Variants in CSHL1 observed in about 807,000 individuals in gnomAD.
CSHL1 encodes chorionic somatomammotropin hormone-like 1.
In CSHL1, 25 loss-of-function variants were observed where a neutral mutation model predicts 24.3. The observed-to-expected ratio is 1.03, with a 90% CI of 0.75 to 1.44. The LOEUF is 1.44. Among genes scored for constraint, CSHL1 ranks in the 40% most tolerant of loss-of-function variants. CSHL1 has a pLI of 0.00. For missense variants in CSHL1, 342 were observed against 279.3 expected (o/e 1.22, Z -1.60); for synonymous variants, 157 against 115.6 (o/e 1.36, Z -2.30).
rs370962985 is a variant in CSHL1 at position 63,910,763 on chromosome 17, T to C, written c.172A>G (p.Ile58Val). ...QLAIDTYQEFISSWGMEAYIT... is the reference protein window; with the variant it reads ...QLAIDTYQEFVSSWGMEAYIT... Reference sequence around the variant, plus strand: ...CCCGCACCCATTCCCCAAGAGCTTATAAACTCCTGGTAGGTGTCAATGGCC... The same window carrying C: ...CCCGCACCCATTCCCCAAGAGCTTACAAACTCCTGGTAGGTGTCAATGGCC... Residue 58 changes from isoleucine (I) to valine (V), a missense_variant, in exon 2 of 5, where the codon ATA (isoleucine) becomes GTA (valine). By Grantham distance (29) the Ile-to-Val change is conservative. Transcript: ENST00000309894. 39 of 1,614,084 alleles carry C rather than the reference T, an allele frequency of 2.4e-5. No homozygotes were observed. Among genetic ancestry groups the C allele is most frequent in the East Asian group, 4.5e-5 (2 of 44,886 alleles).
chr17:63,911,158 G>A (rs749445377), intron 1 of CSHL1, 29 bp downstream of exon 1: 32 of 1,613,338 alleles, frequency 2.0e-5, no homozygotes, highest in Non-Finnish European at 2.5e-5. Flanking sequence ...AGGACACGTT[G>A]TGCCCAAAGG....
At position 63,910,452 on chromosome 17, in the gene CSHL1, A is replaced by C; in HGVS notation, c.274T>G (p.Ser92Ala). The C allele has an allele frequency of 6.2e-7, 1 of 1,614,060 alleles. No homozygotes were observed. Among genetic ancestry groups the C allele is most frequent in the Non-Finnish European group, 8.5e-7 (1 of 1,179,992 alleles). The change falls in exon 3 of 5, where the codon TCC becomes GCC. Residue 92 changes from serine (S) to alanine (A), a missense_variant. Coordinates refer to ENST00000309894, the MANE Select transcript of CSHL1 (RefSeq NM_022579.3). Reference protein sequence around the residue: ...SFCFSDSIPTSSNMEETQQKS... With the variant: ...SFCFSDSIPTASNMEETQQKS... ...TGCTGCGTTTCCTCCATGTTGGAGG[A>C]TGTCGGAATAGAGTCTGAGAAGCAG...
rs1282088671 is a variant in CSHL1 at position 63,910,529 on chromosome 17, T to C, written c.197A>G (p.Tyr66Cys). ...EFISSWGMEA[Y>C]ITKEQKYSFL... ...TGAATACTTCTGTTCCTTTGTGATA[T>C]AGGCTTCTTCCTAGGGGAAGGACCC... The change falls in exon 3 of 5, where the codon TAT becomes TGT. Residue 66 changes from tyrosine to cysteine, a missense_variant. Coordinates refer to ENST00000309894, the MANE Select transcript of CSHL1 (RefSeq NM_022579.3). The C allele has an allele frequency of 2.5e-6, 4 of 1,614,080 alleles. No homozygotes were observed. The highest frequency in any genetic ancestry group is 1.1e-5 in the South Asian group (1 of 91,080).
rs765218894 is a variant in CSHL1, at chr17:63,910,409, C to A, written c.306+11G>T. 6.8e-6 allele frequency: 11 copies of A among 1,614,110 alleles called. No individual in the cohort carries two copies. The South Asian group carries it at 7.7e-5, about 11-fold the overall frequency. The stretch of plus-strand genomic sequence containing the variant: ...CCCCATCCCCGCCTAGGGGAGACAG[C>A]ATCCACTCACGGATTTCTGCTGCGT... On this transcript the variant is annotated intron_variant, in intron 3 of 4. Transcript: ENST00000309894.
In CSHL1 at chr17:63,909,665, G is replaced by A. The variant is rs568345250; in HGVS notation, c.*46C>T. 28 of 1,613,848 alleles carry A rather than the reference G, an allele frequency of 1.7e-5. No individual in the cohort carries two copies. In the African/African-American group the frequency reaches 3.5e-4, roughly 20 times the overall value. ...TGGGCACTGGAGTGGCACCTTCAGGGCCAGGAGAGGCACTGGGGAGGGGTC... is the reference window on the plus strand; with the variant it reads ...TGGGCACTGGAGTGGCACCTTCAGGACCAGGAGAGGCACTGGGGAGGGGTC... On this transcript the variant is annotated 3_prime_UTR_variant, in exon 5 of 5. Transcript: ENST00000309894.
Position 63,909,712 on chromosome 17 carries a change from T to G in CSHL1, c.668A>C (p.Ter223SerextTer17). 6.2e-7 allele frequency: 1 copy of G among 1,614,104 alleles called. No homozygotes were observed. The highest frequency in any genetic ancestry group is 8.5e-7 in the Non-Finnish European group (1 of 1,180,030). Residue 223 changes from the stop codon to serine, a stop_lost, in exon 5 of 5, where the codon TAG (stop) becomes TCG (serine). Coordinates refer to ENST00000309894, the MANE Select transcript of CSHL1 (RefSeq NM_022579.3). Reference sequence around the variant, plus strand: ...GGTCACAGGATGCCACGCGGGCCCCTAGAAGCCACAGCTGCCCTCCACAGA... The same window carrying G: ...GGTCACAGGATGCCACGCGGGCCCCGAGAAGCCACAGCTGCCCTCCACAGA... ...CRSVEGSCGF[*>S] is the part of the protein sequence containing the mutation.
chr17:63,910,535 T>A lies in CSHL1; in HGVS notation c.191A>T (p.Glu64Val), dbSNP rs201548416. The A allele has an allele frequency of 1.5e-5, 25 of 1,614,064 alleles. No homozygotes were observed. Among genetic ancestry groups the A allele is most frequent in the African/African-American group, 2.7e-5 (2 of 74,924 alleles). ...YQEFISSWGM[E>V]AYITKEQKYS... The stretch of plus-strand genomic sequence containing the variant: ...CTTCTGTTCCTTTGTGATATAGGCT[T>A]CTTCCTAGGGGAAGGACCCCCCACC... The change falls in exon 3 of 5, where the codon GAA becomes GTA. Residue 64 changes from glutamate (E) to valine (V), a missense_variant and splice_region_variant. Glu to Val is a moderately radical substitution (Grantham distance 121). Transcript: ENST00000309894.
In CSHL1 at chr17:63,910,794, G is replaced by C. The variant is rs767599882; in HGVS notation, c.141C>G (p.His47Gln). 2 of 1,614,242 alleles carry C rather than the reference G, an allele frequency of 1.2e-6. No individual in the cohort carries two copies. The highest frequency in any genetic ancestry group is 8.5e-7 in the Non-Finnish European group (1 of 1,180,052). ...CCTGGTAGGTGTCAATGGCCAGCTG[G>C]TGTGCGCGATGGGCTTGGAGCATAG... ...KEAMLQAHRA[H>Q]QLAIDTYQEF... is the part of the protein sequence containing the mutation. The change falls in exon 2 of 5, where the codon CAC becomes CAG. Residue 47 changes from histidine (H) to glutamine (Q), a missense_variant. Transcript: ENST00000309894.
Position 63,911,178 on chromosome 17 carries a change from G to C in CSHL1, c.10+9C>G. 6.2e-7 allele frequency: 1 copy of C among 1,613,718 alleles called. No individual in the cohort carries two copies. Among genetic ancestry groups the C allele is most frequent in the South Asian group, 1.1e-5 (1 of 91,056 alleles). ...ACGTTGTGCCCAAAGGGATTTTAGG[G>C]GCGCTTACCTGCAGCCATTGCCGCT... On this transcript the variant is annotated intron_variant, in intron 1 of 4. Transcript: ENST00000309894.
At chr17:63,910,000 G>A (rs541608810) in intron 4 of CSHL1, 92 bp from the exon 5 acceptor site, 1 of 1,613,974 alleles carries the variant, frequency 6.2e-7, no homozygotes, top group Non-Finnish European at 8.5e-7. Flanking sequence ...CCCCTTCAGG[G>A]TGTAGAGAAA....
chr17:63,909,647 T>C lies in CSHL1; in HGVS notation c.*64A>G. ...TTATTAAGACAAGGCTGGTGGGCACTGGAGTGGCACCTTCAGGGCCAGGAG... is the reference window on the plus strand; with the variant it reads ...TTATTAAGACAAGGCTGGTGGGCACCGGAGTGGCACCTTCAGGGCCAGGAG... On this transcript the variant is annotated 3_prime_UTR_variant, in exon 5 of 5. Transcript: ENST00000309894. 1 of 1,612,676 alleles carries C rather than the reference T, an allele frequency of 6.2e-7. No homozygotes were observed. Among genetic ancestry groups the C allele is most frequent in the Non-Finnish European group, 8.5e-7 (1 of 1,178,868 alleles).
Position 63,909,882 on chromosome 17 carries a change from AGTCAGGTGGCTGCC to A in CSHL1, c.484_497del (p.Gly162TrpfsTer12), listed in dbSNP as rs772512560. ...TGTAGGTCTGCTTGAGGGTCTGCCC[AGTCAGGTGGCTGCC>A]GTCTTCCAGCCTCTGCAAAGTGAAG... On this transcript the variant is annotated frameshift_variant, in exon 5 of 5. Coordinates refer to ENST00000309894, the MANE Select transcript of CSHL1 (RefSeq NM_022579.3). LOFTEE classifies it high-confidence loss of function. 1.5e-4 allele frequency: 245 copies of A among 1,613,886 alleles called. No homozygotes were observed. Among genetic ancestry groups the A allele is most frequent in the Non-Finnish European group, 2.0e-4 (240 of 1,179,878 alleles).
chr17:63,909,709 C>A lies in CSHL1; in HGVS notation c.*2G>T, dbSNP rs61762521. 1.9e-3 allele frequency: 3,120 copies of A among 1,613,160 alleles called. 67 individuals carry two copies. The African/African-American group carries it at 0.034, about 17-fold the overall frequency. ...AGGGGTCACAGGATGCCACGCGGGCCCCTAGAAGCCACAGCTGCCCTCCAC... is the reference window on the plus strand; with the variant it reads ...AGGGGTCACAGGATGCCACGCGGGCACCTAGAAGCCACAGCTGCCCTCCAC... On this transcript the variant is annotated 3_prime_UTR_variant, in exon 5 of 5. Coordinates refer to ENST00000309894, the MANE Select transcript of CSHL1 (RefSeq NM_022579.3).
In CSHL1 at chr17:63,911,167, G is replaced by C. The variant is rs775454685; in HGVS notation, c.10+20C>G. On this transcript the variant is annotated intron_variant, in intron 1 of 4. Coordinates refer to ENST00000309894, the MANE Select transcript of CSHL1 (RefSeq NM_022579.3). ...CCCCTCAGGACACGTTGTGCCCAAA[G>C]GGATTTTAGGGGCGCTTACCTGCAG... 1.4e-5 allele frequency: 22 copies of C among 1,613,646 alleles called. No individual in the cohort carries two copies. The Admixed American group carries it at 3.5e-4, about 26-fold the overall frequency.
At position 63,910,240 on chromosome 17, in the gene CSHL1, G is replaced by A; in HGVS notation, c.393C>T (p.Asn131=). ...CGCTGTCCGAGGTGTCATACACCAG[G>A]TTGTTGGTGAAGGTACTCCTGAGGA... ...VRFLRSTFTN[N]LVYDTSDSDD... Residue 131 remains asparagine (N), a synonymous_variant, in exon 4 of 5, where the codon AAC becomes AAT. Transcript: ENST00000309894. The A allele has an allele frequency of 6.2e-7, 1 of 1,614,142 alleles. No individual in the cohort carries two copies. The highest frequency in any genetic ancestry group is 1.1e-5 in the South Asian group (1 of 91,080).
Position 63,909,643 on chromosome 17 carries a change from G to T in CSHL1, c.*68C>A, listed in dbSNP as rs1906670377. ...AATTTTATTAAGACAAGGCTGGTGG[G>T]CACTGGAGTGGCACCTTCAGGGCCA... is the stretch of plus-strand genomic sequence containing the variant. On this transcript the variant is annotated 3_prime_UTR_variant, in exon 5 of 5. Transcript: ENST00000309894. 3 of 1,611,274 alleles carry T rather than the reference G, an allele frequency of 1.9e-6. No individual in the cohort carries two copies. Among genetic ancestry groups the T allele is most frequent in the Non-Finnish European group, 8.5e-7 (1 of 1,177,784 alleles).
rs565262071 is a variant in CSHL1 at position 63,909,778 on chromosome 17, A to G, written c.602T>C (p.Met201Thr). The G allele has an allele frequency of 1.1e-5, 17 of 1,613,940 alleles. No homozygotes were observed. Among genetic ancestry groups the G allele is most frequent in the Admixed American group, 1.7e-5 (1 of 60,004 alleles). ...GCGCAGGAATGTCTCGACCTTGTCC[A>G]TGTCCTTCCTGAAGCAGTGGAGCAG... ...YGLLHCFRKD[M>T]DKVETFLRMV... Residue 201 changes from methionine to threonine, a missense_variant, in exon 5 of 5, where the codon ATG becomes ACG. By Grantham distance (81) the Met-to-Thr change is moderately conservative (BLOSUM62 -1). Coordinates refer to ENST00000309894, the MANE Select transcript of CSHL1 (RefSeq NM_022579.3).
At position 63,910,268 on chromosome 17, in the gene CSHL1, C is replaced by T. The variant is rs181349926; in HGVS notation, c.365G>A (p.Arg122Gln). Reference protein sequence around the residue: ...LLIESRLEPVRFLRSTFTNNL... With the variant: ...LLIESRLEPVQFLRSTFTNNL... ...GTTGGTGAAGGTACTCCTGAGGAAC[C>T]GCACGGGCTCCAGCCGCGACTCGAT... The change falls in exon 4 of 5, where the codon CGG (arginine) becomes CAG (glutamine). Residue 122 changes from arginine (R) to glutamine (Q), a missense_variant. Transcript: ENST00000309894. The T allele has an allele frequency of 2.7e-4, 435 of 1,614,048 alleles. 4 individuals carry two copies. In the Middle Eastern group the frequency reaches 6.8e-3, roughly 25 times the overall value.
At position 63,909,824 on chromosome 17, in the gene CSHL1, C is replaced by A. The variant is rs139297172; in HGVS notation, c.556G>T (p.Ala186Ser). 6.8e-6 allele frequency: 11 copies of A among 1,613,840 alleles called. No individual in the cohort carries two copies. Among genetic ancestry groups the A allele is most frequent in the African/African-American group, 4.0e-5 (3 of 74,900 alleles). The change falls in exon 5 of 5, where the codon GCA (alanine) becomes TCA (serine). Residue 186 changes from alanine to serine, a missense_variant. Ala to Ser is a moderately conservative substitution (Grantham distance 99, BLOSUM62 1). Transcript: ENST00000309894. Reference sequence around the variant, plus strand: ...AGCAGCCCGTAGTTCTTGAGCAGTGCGTCATGGTTGTGCGAGTTTGTGTCA... The same window carrying A: ...AGCAGCCCGTAGTTCTTGAGCAGTGAGTCATGGTTGTGCGAGTTTGTGTCA... ...KFDTNSHNHD[A>S]LLKNYGLLHC...
Sources: gnomAD v4.1 joint callset for allele counts on GRCh38, gnomAD v4.1.1 for gene constraint, MANE v1.5 for transcripts, NCBI Gene and HGNC (gene_info 2026-07-23, HGNC 2026-07-21) for gene names.